Variants in AKT2 observed in about 807,000 individuals in gnomAD.
AKT2 encodes RAC-beta serine/threonine-protein kinase.
AKT2 carries 16 observed loss-of-function variants against 58.6 expected under a neutral mutation model. The ratio of observed to expected loss-of-function variants is 0.27; its 90% CI spans 0.18 to 0.41. AKT2 has a LOEUF of 0.41. Among genes scored for constraint, AKT2 ranks in the 10% least tolerant of loss-of-function variants. The pLI is 1.00. For missense variants in AKT2, 438 were observed against 661.0 expected, an observed-to-expected ratio of 0.66 and a Z score of 3.70; for synonymous variants, 253 against 254.0, an observed-to-expected ratio of 1.00 and a Z score of 0.04.
chr19:40,265,083 TA>T, intron 2 of AKT2, 138 bp downstream of exon 2: 1 of 1,286,818 alleles, frequency 7.8e-7, no homozygotes, highest in Non-Finnish European at 1.1e-6. Flanking sequence ...AATGGGGGCA[TA>T]AGCAGCTGTG....
At chr19:40,236,672 G>C (rs966780013) in intron 9 of AKT2, 10 of 474,216 alleles carry the variant, frequency 2.1e-5, no homozygotes, top group Non-Finnish European at 3.5e-5. Context: ...TTCTTATTTC[G>C]AACGTGGGGG....
Position 40,230,686 on chromosome 19 carries a change from T to C in AKT2, c.*3186A>G, listed in dbSNP as rs1188128459. The C allele has an allele frequency of 4.5e-6, 1 of 220,688 alleles. No homozygotes were observed. Among genetic ancestry groups the C allele is most frequent in the East Asian group, 6.6e-5 (1 of 15,212 alleles). The allele number at this position is 220,688 out of a possible 1,614,324, so 13.7% of individuals were successfully genotyped here. ...TGAATTTCCTTTCTTATACTCCTGC[T>C]TTGCTGTCTTTTTTAATAGCATGTA... On this transcript the variant is annotated 3_prime_UTR_variant, in exon 14 of 14. Transcript: ENST00000392038.
chr19:40,241,782 C>G, intron 6 of AKT2, 156 bp downstream of exon 6: 1 of 1,160,158 alleles, frequency 8.6e-7, no homozygotes, highest in Admixed American at 2.0e-5. Context: ...CTGCTCCTCT[C>G]TGGGCCTCAG....
At chr19:40,280,091 G>T (rs780145753) in intron 1 of AKT2, among the ~76,000 whole-genome samples, 7 of 152,204 alleles carry the variant, frequency 4.6e-5, no homozygotes, top group Non-Finnish European at 4.4e-5. Context: ...CAGAGACCTG[G>T]GTGCTGGGCG....
intron 1 of AKT2, chr19:40,270,382 T>C (rs1372237969): frequency 1.3e-5 from 2 of 150,774 alleles, no homozygotes; most frequent in South Asian, 2.1e-4. Flanking sequence ...TTAATAAGTA[T>C]CTGTGGAATG....
chr19:40,284,902 CCCCCGGCCCGCGCACGCT>C (rs2077485692), intron 1 of AKT2: 1 of 287,824 alleles, frequency 3.5e-6, no homozygotes, highest in Non-Finnish European at 6.4e-6. Flanking sequence ...AAAGGTCCAG[CCCCCGGCCCGCGCACGCT>C]GCGGCCTGCG....
intron 2 of AKT2, among the ~76,000 whole-genome samples, chr19:40,260,090 TAC>T (rs1011302842): frequency 1.7e-4 from 26 of 151,696 alleles, no homozygotes; most frequent in African/African-American, 6.3e-4. Context: ...AGGTGGAGGT[TAC>T]AGTGAGCTGA....
chr19:40,253,180 G>A (rs946318245), intron 4 of AKT2, among the ~76,000 whole-genome samples: 3 of 152,042 alleles, frequency 2.0e-5, no homozygotes, highest in South Asian at 2.1e-4. Context: ...ACAGGCAATC[G>A]GCACAGGCAA....
intron 2 of AKT2, among the ~76,000 whole-genome samples, chr19:40,262,007 CG>C (rs1346847557): frequency 6.6e-6 from 1 of 151,276 alleles, no homozygotes. Flanking sequence ...GGAGAGCTTC[CG>C]GGGACCGTCT....
rs534083063 is a variant in AKT2, at chr19:40,274,810, G to A, written c.-84-9459C>T. 3.3e-4 allele frequency: 114 copies of A among 341,706 alleles called. 1 individual carries two copies. The highest frequency in any genetic ancestry group is 2.3e-3 in the South Asian group (100 of 43,988). 21.2% of individuals were successfully genotyped at this position (341,706 alleles called of 1,614,324 possible). ...ATGTAGCTAGAGGAAGCTGGGGACC[G>A]CTGGGCAGGGCCTTGGGGGCCACTG... On this transcript the variant is annotated intron_variant, in intron 1 of 13. Transcript: ENST00000392038.
chr19:40,284,977 T>C (rs2077487620), intron 1 of AKT2: 1 of 325,808 alleles, frequency 3.1e-6, no homozygotes. Flanking sequence ...GCCTCAGTGG[T>C]ATGGCCCGCC....
Position 40,235,635 on chromosome 19 carries a change from T to C in AKT2, c.1175+255A>G, listed in dbSNP as rs548469583. The stretch of plus-strand genomic sequence containing the variant: ...GTTCCTATCCTGGCTCTGCCACATA[T>C]GGTTTGGTGGCCCCAGCCAGGCCCA... On this transcript the variant is annotated intron_variant, in intron 11 of 13. Coordinates refer to ENST00000392038, the MANE Select transcript of AKT2 (RefSeq NM_001626.6). The surrounding 1 kb of genome is among the most constrained non-coding windows in gnomAD (Gnocchi z 6.3). Among the ~76,000 whole-genome samples the C allele has an allele frequency of 8.5e-5, 13 of 152,210 alleles. No homozygotes were observed. Among genetic ancestry groups the C allele is most frequent in the East Asian group, 3.9e-4 (2 of 5,174 alleles).
chr19:40,270,961 T>C (rs1600098710), intron 1 of AKT2, among the ~76,000 whole-genome samples: 2 of 151,494 alleles, frequency 1.3e-5, no homozygotes, highest in South Asian at 4.2e-4. Flanking sequence ...TGCAGTGAGC[T>C]ATGACTACAC....
rs778304096 is a variant in AKT2, at chr19:40,242,619, G to A, written c.356C>T (p.Pro119Leu). The change falls in exon 5 of 14, where the codon CCC becomes CTC. Residue 119 changes from proline to leucine, a missense_variant. By Grantham distance (98) the Pro-to-Leu change is moderately conservative. Around this residue, in one of 3 missense-constraint regions of AKT2, gnomAD observed 244 missense variants for 347.1 expected, o/e 0.70. Coordinates refer to ENST00000392038, the MANE Select transcript of AKT2 (RefSeq NM_001626.6). This position sits in a 1 kb window ranked among gnomAD's most constrained non-coding sequence, Gnocchi z 4.3. ...SLKQRAPGEDPMDYKCGSPSD... is the reference protein window; with the variant it reads ...SLKQRAPGEDLMDYKCGSPSD... ...GGGGGAGCCACACTTGTAGTCCATG[G>A]GGTCCTCGCCTGGGGCCCGCTGCTT... 11 of 1,613,782 alleles carry A rather than the reference G, an allele frequency of 6.8e-6. No individual in the cohort carries two copies. The East Asian group carries it at 2.5e-4, about 36-fold the overall frequency.
intron 4 of AKT2, among the ~76,000 whole-genome samples, chr19:40,245,469 T>C (rs781145716): frequency 1.3e-5 from 2 of 152,104 alleles, no homozygotes; most frequent in Non-Finnish European, 2.9e-5. Flanking sequence ...CATGCTCACA[T>C]AGGCACAAAC....
intron 1 of AKT2, 134 bp from the exon 2 acceptor site, chr19:40,265,485 G>T (rs1976283648): frequency 8.1e-7 from 1 of 1,231,130 alleles, no homozygotes; most frequent in Admixed American, 2.4e-5. Flanking sequence ...AGGGTGGCGT[G>T]GAGCCCGCTC....
chr19:40,247,118 G>T (rs1974808016), intron 4 of AKT2, among the ~76,000 whole-genome samples: 1 of 152,190 alleles, frequency 6.6e-6, no homozygotes, highest in South Asian at 2.1e-4. Flanking sequence ...CTGGACCAAA[G>T]TTGCAAGGTT....
intron 4 of AKT2, among the ~76,000 whole-genome samples, chr19:40,246,218 G>C (rs913234872): frequency 1.3e-5 from 2 of 151,998 alleles, no homozygotes; most frequent in African/African-American, 4.8e-5. Context: ...CTGGAGTGCA[G>C]TGGCTCCCAG....
At chr19:40,262,896 CAGT>C (rs1976066123) in intron 2 of AKT2, among the ~76,000 whole-genome samples, 1 of 152,212 alleles carries the variant, frequency 6.6e-6, no homozygotes. Context: ...CCCAAAACAG[CAGT>C]AGTCAGCAGG....
Sources: gnomAD v4.1 joint callset for allele counts (sites outside exome capture counted in the v4.1 genomes callset) on GRCh38, gnomAD v4.1.1 for gene constraint, gnomAD v4.1.1 regional missense constraint, Gnocchi (gnomAD v3.1) non-coding constraint, MANE v1.5 for transcripts, NCBI Gene and HGNC (gene_info 2026-07-23, HGNC 2026-07-21) for gene names.